The following KLHDC4 variants were observed in gnomAD, a reference collection of about 807,000 sequenced individuals.
KLHDC4 encodes the protein kelch domain-containing protein 4.
KLHDC4 carries 90 observed loss-of-function variants against 62.4 expected under a neutral mutation model. The observed-to-expected ratio is 1.44, with a 90% CI of 1.22 to 1.72. KLHDC4 has a LOEUF of 1.72. Among genes scored for constraint, KLHDC4 ranks in the 40% most tolerant of loss-of-function variants. KLHDC4 has a pLI of 0.00. For synonymous variants in KLHDC4, 386 were observed against 284.4 expected (o/e 1.36, Z -3.59); for missense variants, 1,025 against 699.7 (o/e 1.47, Z -5.25).
chr16:87,740,428 C>T (rs563986727), intron 5 of KLHDC4, among the ~76,000 whole-genome samples: 1 of 152,246 alleles, frequency 6.6e-6, no homozygotes, highest in South Asian at 2.1e-4. Flanking sequence ...CAGGAGCAGC[C>T]GCCTCCCCTC....
At chr16:87,722,065 ACT>A (rs1329303675) in intron 7 of KLHDC4, among the ~76,000 whole-genome samples, 1 of 152,126 alleles carries the variant, frequency 6.6e-6, no homozygotes, top group African/African-American at 2.4e-5. Context: ...CATACTAAGG[ACT>A]GAGTCTTTGA....
At chr16:87,730,925 C>A in intron 5 of KLHDC4, 1 of 268,452 alleles carries the variant, frequency 3.7e-6, no homozygotes, top group Non-Finnish European at 7.0e-6. Flanking sequence ...AAACTGGACT[C>A]CGCCAACATA....
chr16:87,731,646 AAC>A (rs1217391491), intron 5 of KLHDC4, among the ~76,000 whole-genome samples: 1 of 151,992 alleles, frequency 6.6e-6, no homozygotes, highest in Non-Finnish European at 1.5e-5. Context: ...GTGAAAACGT[AAC>A]ACAGTGAAAC....
chr16:87,723,980 G>A (rs2038904681), intron 7 of KLHDC4, among the ~76,000 whole-genome samples: 1 of 152,174 alleles, frequency 6.6e-6, no homozygotes, highest in Non-Finnish European at 1.5e-5. Flanking sequence ...GGGATTACAG[G>A]CACGCCCCAC....
At chr16:87,725,929 G>C (rs1251300352) in intron 7 of KLHDC4, among the ~76,000 whole-genome samples, 2 of 152,112 alleles carry the variant, frequency 1.3e-5, no homozygotes, top group Non-Finnish European at 2.9e-5. Context: ...ACAGTAGTGA[G>C]CGTCCATGGT....
chr16:87,760,568 C>A (rs372101899), intron 2 of KLHDC4, among the ~76,000 whole-genome samples: 3 of 140,980 alleles, frequency 2.1e-5, no homozygotes, highest in Admixed American at 7.3e-5. Context: ...GATGGCGCCA[C>A]TGTACTCCAG....
At chr16:87,714,336 TCCCACCCG>T in intron 8 of KLHDC4, 154 bp downstream of exon 8, 2 of 140,730 alleles carry the variant, frequency 1.4e-5, no homozygotes, top group African/African-American at 2.6e-5. Flanking sequence ...ATGGAGCCTG[TCCCACCCG>T]GCCCACCCCG....
chr16:87,738,356 T>TGC (rs1555580684), intron 5 of KLHDC4, among the ~76,000 whole-genome samples: 3 of 136,288 alleles, frequency 2.2e-5, no homozygotes, highest in Admixed American at 1.4e-4. Context: ...CACACGGACG[T>TGC]GCACACACAC....
intron 1 of KLHDC4, among the ~76,000 whole-genome samples, chr16:87,763,808 G>C (rs1418638985): frequency 6.6e-6 from 1 of 152,154 alleles, no homozygotes; most frequent in Non-Finnish European, 1.5e-5. Flanking sequence ...GAGCAAGGTG[G>C]TAGGGTCTGG....
intron 5 of KLHDC4, among the ~76,000 whole-genome samples, chr16:87,732,101 T>C (rs983986875): frequency 4.0e-5 from 6 of 149,606 alleles, no homozygotes; most frequent in South Asian, 4.2e-4. Flanking sequence ...ATATTTCTTT[T>C]TTTTTTTTTT....
At chr16:87,746,690 C>G (rs1597299166) in intron 5 of KLHDC4, among the ~76,000 whole-genome samples, 1 of 152,152 alleles carries the variant, frequency 6.6e-6, no homozygotes. Flanking sequence ...GTGATTCTGG[C>G]AAAAAGAAGA....
Position 87,726,923 on chromosome 16 carries a change from C to A in KLHDC4, c.601G>T (p.Asp201Tyr). Residue 201 changes from aspartate to tyrosine, a missense_variant and splice_region_variant, in exon 7 of 12, where the codon GAT (aspartate) becomes TAT (tyrosine). Asp to Tyr is a radical substitution (Grantham distance 160). Coordinates refer to ENST00000270583, the MANE Select transcript of KLHDC4 (RefSeq NM_017566.4). ...LFGGFHESTR[D>Y]YIYYNDVYAF... ...TACACGTCGTTGTAGTAGATGTAAT[C>A]CCTGGTTAGAAGAACAGCAGCTGTC... The A allele has an allele frequency of 6.2e-7, 1 of 1,613,724 alleles. No individual in the cohort carries two copies. The highest frequency in any genetic ancestry group is 8.5e-7 in the Non-Finnish European group (1 of 1,179,802).
exon 1 of KLHDC4, chr16:87,702,342 G>C: frequency 2.2e-6 from 1 of 453,732 alleles, no homozygotes; most frequent in Non-Finnish European, 4.4e-6. Flanking sequence ...GAGAGAGGAA[G>C]ATGGGTGTGA....
intron 4 of KLHDC4, 54 bp downstream of exon 4, chr16:87,755,140 C>A: frequency 8.0e-7 from 1 of 1,248,892 alleles, no homozygotes; most frequent in South Asian, 1.2e-5. Flanking sequence ...CGTGTGTCTA[C>A]CAGACTCCCA....
At chr16:87,755,855 G>C (rs1475611707) in intron 3 of KLHDC4, 1 of 164,122 alleles carries the variant, frequency 6.1e-6, no homozygotes. Context: ...ATGAGCCACT[G>C]TACCCAGTCA....
chr16:87,750,933 G>C (rs2043830789), intron 4 of KLHDC4: 2 of 152,254 alleles, frequency 1.3e-5, no homozygotes, highest in Admixed American at 1.3e-4. Context: ...TCCATAGGGA[G>C]AAACTGACCA....
At chr16:87,744,337 C>T (rs1158329928) in intron 5 of KLHDC4, among the ~76,000 whole-genome samples, 1 of 151,868 alleles carries the variant, frequency 6.6e-6, no homozygotes, top group African/African-American at 2.4e-5. Context: ...ATTGCTTGAA[C>T]CTCTGAGGTG....
chr16:87,760,422 A>G (rs1020243140), intron 2 of KLHDC4, among the ~76,000 whole-genome samples: 1 of 151,282 alleles, frequency 6.6e-6, no homozygotes, highest in African/African-American at 2.4e-5. Flanking sequence ...CCTGGCCAAC[A>G]TGGTGAAACC....
intron 5 of KLHDC4, among the ~76,000 whole-genome samples, chr16:87,748,388 C>A (rs540388800): frequency 3.9e-5 from 6 of 152,314 alleles, no homozygotes; most frequent in African/African-American, 1.4e-4. Context: ...CAGAAGACCA[C>A]AGGAGAAGAG....
Sources: allele counts gnomAD v4.1 joint callset (sites outside exome capture counted in the v4.1 genomes callset), GRCh38; gene constraint gnomAD v4.1.1; transcripts MANE v1.5; gene names NCBI Gene and HGNC (gene_info 2026-07-23, HGNC 2026-07-21).